Variants in TOMM5 observed in about 807,000 individuals in gnomAD.
TOMM5 encodes the protein mitochondrial import receptor subunit TOM5 homolog.
TOMM5 carries 1 observed loss-of-function variant against 4.8 expected under a neutral mutation model. That is an observed-to-expected ratio of 0.21 (90% confidence interval 0.07 to 0.99). TOMM5 has a LOEUF of 0.99. Ranked by LOEUF, TOMM5 falls within the 50% of genes least tolerant of loss-of-function variation. The pLI is 0.60. For synonymous variants in TOMM5, 26 were observed against 26.7 expected, an observed-to-expected ratio of 0.97 and a Z score of 0.08; for missense variants, 60 against 66.6, an observed-to-expected ratio of 0.90 and a Z score of 0.35.
At chr9:37,591,071 T>C (rs1351969352) in intron 1 of TOMM5, among the ~76,000 whole-genome samples, 2 of 152,204 alleles carry the variant, frequency 1.3e-5, no homozygotes, top group Admixed American at 1.3e-4. Flanking sequence ...TAAAGCTGCT[T>C]CCAGTTCTTA....
intron 1 of TOMM5, among the ~76,000 whole-genome samples, chr9:37,590,449 A>T (rs558570909): frequency 9.9e-5 from 15 of 152,242 alleles, no homozygotes; most frequent in African/African-American, 2.9e-4. Context: ...CCATAGAGAA[A>T]AAGTAGATTA....
At chr9:37,591,438 C>G (rs1254863085) in intron 1 of TOMM5, among the ~76,000 whole-genome samples, 1 of 152,046 alleles carries the variant, frequency 6.6e-6, no homozygotes, top group Non-Finnish European at 1.5e-5. Context: ...CGCCTGTAAT[C>G]CCAGCACTTT....
At chr9:37,590,046 A>G (rs181024371) in intron 1 of TOMM5, among the ~76,000 whole-genome samples, 19 of 152,324 alleles carry the variant, frequency 1.2e-4, no homozygotes, top group Admixed American at 1.2e-3. Context: ...ATGTTATGCT[A>G]AGTGAAATAA....
chr9:37,592,127 G>A (rs995221470), intron 1 of TOMM5: 10 of 1,200,042 alleles, frequency 8.3e-6, no homozygotes, highest in African/African-American at 6.1e-5. Flanking sequence ...AGTGCTGGGT[G>A]GGATTACAGG....
chr9:37,590,963 C>T (rs933387876), intron 1 of TOMM5, among the ~76,000 whole-genome samples: 5 of 152,178 alleles, frequency 3.3e-5, no homozygotes, highest in East Asian at 1.9e-4. Context: ...CCATCCCTGC[C>T]GCTCCATCCA....
chr9:37,589,387 T>C (rs1823065567), intron 1 of TOMM5, among the ~76,000 whole-genome samples: 1 of 152,220 alleles, frequency 6.6e-6, no homozygotes, highest in South Asian at 2.1e-4. Flanking sequence ...TCTTACTGAT[T>C]AGCTATATAT....
chr9:37,592,260 C>A (rs758782391), intron 1 of TOMM5, 152 bp downstream of exon 1: 23 of 1,548,420 alleles, frequency 1.5e-5, no homozygotes, highest in Admixed American at 2.0e-5. Flanking sequence ...GACCTCAAAC[C>A]GCGCATATGC....
At chr9:37,592,178 T>C in intron 1 of TOMM5, 2 of 1,474,398 alleles carry the variant, frequency 1.4e-6, no homozygotes, top group African/African-American at 1.4e-5. Context: ...TTCTTCAAGC[T>C]GGGAGAACCA....
chr9:37,592,370 G>C, intron 1 of TOMM5, 42 bp downstream of exon 1: 1 of 1,613,266 alleles, frequency 6.2e-7, no homozygotes, highest in Non-Finnish European at 8.5e-7. Flanking sequence ...CCGTCGGTGA[G>C]CTCCCCGCTG....
At chr9:37,592,242 G>A in intron 1 of TOMM5, 170 bp downstream of exon 1, 1 of 1,542,866 alleles carries the variant, frequency 6.5e-7, no homozygotes, top group Non-Finnish European at 8.8e-7. Context: ...CCCGGACCCT[G>A]ACCCGCAGAC....
intron 1 of TOMM5, among the ~76,000 whole-genome samples, chr9:37,589,369 T>C (rs1293369567): frequency 1.3e-5 from 2 of 152,180 alleles, no homozygotes; most frequent in Non-Finnish European, 2.9e-5. Flanking sequence ...GGACACCTAT[T>C]TTGGGTCTCT....
rs778397289 is a variant in TOMM5 at position 37,592,235 on chromosome 9, GGACCC to G, written c.121+172_121+176del. ...GGCCACCACGTGCACTTCAGTGCCC[GGACCC>G]TGACCCGCAGACCTCAAACCGCGCA... On this transcript the variant is annotated intron_variant, in intron 1 of 1. Coordinates refer to ENST00000321301, the MANE Select transcript of TOMM5 (RefSeq NM_001001790.3). 35 of 1,538,478 alleles carry G rather than the reference GGACCC, an allele frequency of 2.3e-5. No homozygotes were observed. In the East Asian group the frequency reaches 2.5e-4, roughly 11 times the overall value.
rs568879018 is a variant in TOMM5, at chr9:37,591,565, G to A, written c.121+847C>T. Among the ~76,000 whole-genome samples the A allele has an allele frequency of 9.2e-5, 14 of 152,050 alleles. No individual in the cohort carries two copies. In the South Asian group the frequency reaches 1.5e-3, roughly 16 times the overall value. On this transcript the variant is annotated intron_variant, in intron 1 of 1. Transcript: ENST00000321301. ...AAATTAGCCGGGCGTGGTGGCGCGC[G>A]CCTGTAATCTCAGCTACTTGGGAGG...
chr9:37,590,256 G>C (rs969106888), intron 1 of TOMM5, among the ~76,000 whole-genome samples: 1 of 152,170 alleles, frequency 6.6e-6, no homozygotes, highest in Non-Finnish European at 1.5e-5. Flanking sequence ...GCAGGGCGTG[G>C]TGGTGTGTGC....
At chr9:37,590,788 G>A (rs1563899697) in intron 1 of TOMM5, among the ~76,000 whole-genome samples, 2 of 152,112 alleles carry the variant, frequency 1.3e-5, no homozygotes, top group African/African-American at 4.8e-5. Context: ...AGGATGATAC[G>A]GGTGTTTCTG....
In TOMM5 at chr9:37,588,738, T is replaced by A. The variant is rs749693530; in HGVS notation, c.*160A>T. 1 of 737,188 alleles carries A rather than the reference T, an allele frequency of 1.4e-6. No individual in the cohort carries two copies. The highest frequency in any genetic ancestry group is 2.6e-5 in the East Asian group (1 of 38,686). The allele number at this position is 737,188 out of a possible 1,614,324, so 45.7% of individuals were successfully genotyped here. On this transcript the variant is annotated 3_prime_UTR_variant, in exon 2 of 2. Transcript: ENST00000321301. ...TCCCAAATAGTTTTATATTTTAGCT[T>A]TGAAGGTCAGTTACCAGAGCCAAAC... is the stretch of plus-strand genomic sequence containing the variant.
At position 37,588,626 on chromosome 9, in the gene TOMM5, A is replaced by C; in HGVS notation, c.*272T>G. ...AATACTTGCTAGAAAACGGAGTTTG[A>C]CATTATTTACAATTATACCAGTATT... On this transcript the variant is annotated 3_prime_UTR_variant, in exon 2 of 2. Transcript: ENST00000321301. 1.7e-6 allele frequency: 1 copy of C among 592,346 alleles called. No individual in the cohort carries two copies. Among genetic ancestry groups the C allele is most frequent in the Admixed American group, 2.5e-5 (1 of 40,436 alleles). The allele number at this position is 592,346 out of a possible 1,614,324, so 36.7% of individuals were successfully genotyped here.
At chr9:37,591,890 T>A (rs1402461874) in intron 1 of TOMM5, among the ~76,000 whole-genome samples, 1 of 152,088 alleles carries the variant, frequency 6.6e-6, no homozygotes, top group Non-Finnish European at 1.5e-5. Context: ...GGAGTTCCTC[T>A]AGGGATAATT....
At chr9:37,589,768 C>T (rs1351238421) in intron 1 of TOMM5, among the ~76,000 whole-genome samples, 1 of 152,216 alleles carries the variant, frequency 6.6e-6, no homozygotes. Flanking sequence ...ACAATCTGCC[C>T]GCCTCAGCCC....
Sources: allele counts gnomAD v4.1 joint callset (sites outside exome capture counted in the v4.1 genomes callset), GRCh38; gene constraint gnomAD v4.1.1; transcripts MANE v1.5; gene names NCBI Gene and HGNC (gene_info 2026-07-23, HGNC 2026-07-21).